KCNH7: variants seen among roughly 807,000 people sequenced by gnomAD.
KCNH7 encodes voltage-gated inwardly rectifying potassium channel KCNH7.
Under a neutral mutation model 120.8 loss-of-function variants are expected in KCNH7, and 49 were observed. That is an observed-to-expected ratio of 0.41 (90% CI 0.32 to 0.51). The LOEUF (loss-of-function observed/expected upper bound fraction) is 0.51, where lower values mean the gene tolerates loss of function less well. Ranked by LOEUF, KCNH7 falls within the 20% of genes least tolerant of loss-of-function variation. KCNH7 has a pLI of 0.38. For synonymous variants in KCNH7, 547 were observed against 516.1 expected, an observed-to-expected ratio of 1.06 and a Z score of -0.81; for missense variants, 1,097 against 1,446.6, an observed-to-expected ratio of 0.76 and a Z score of 3.92.
intron 2 of KCNH7, among the ~76,000 whole-genome samples, chr2:162,829,188 C>T (rs1685388857): frequency 6.6e-6 from 1 of 152,080 alleles, no homozygotes; most frequent in African/African-American, 2.4e-5. Context: ...TAATTAGTGC[C>T]TTATAGCTAC....
At chr2:162,758,204 G>A (rs1688851841) in intron 2 of KCNH7, among the ~76,000 whole-genome samples, 1 of 152,116 alleles carries the variant, frequency 6.6e-6, no homozygotes, top group South Asian at 2.1e-4. Context: ...CCTAGACCTT[G>A]AACTGAGAGG....
chr2:162,518,532 T>A (rs1170721544), intron 3 of KCNH7, among the ~76,000 whole-genome samples: 1 of 151,782 alleles, frequency 6.6e-6, no homozygotes, highest in Non-Finnish European at 1.5e-5. Flanking sequence ...GCATCATAAG[T>A]CCAGGGATAG....
chr2:162,415,141 CT>C (rs200522232), intron 9 of KCNH7, among the ~76,000 whole-genome samples: 1 of 151,192 alleles, frequency 6.6e-6, no homozygotes, highest in Non-Finnish European at 1.5e-5. Context: ...CTGATTTGTC[CT>C]TTTTTTAAAA....
At chr2:162,493,362 G>A (rs1690390346) in intron 6 of KCNH7, among the ~76,000 whole-genome samples, 1 of 151,996 alleles carries the variant, frequency 6.6e-6, no homozygotes, top group South Asian at 2.1e-4. Context: ...ATTTTTTGAA[G>A]GAAAAATAAA....
At chr2:162,689,340 T>C (rs1290611188) in intron 2 of KCNH7, among the ~76,000 whole-genome samples, 1 of 151,928 alleles carries the variant, frequency 6.6e-6, no homozygotes, top group East Asian at 2.0e-4. Flanking sequence ...TTAGTAGAGA[T>C]GGGGTTTCAC....
At chr2:162,764,409 T>G (rs1404017220) in intron 2 of KCNH7, among the ~76,000 whole-genome samples, 2 of 152,164 alleles carry the variant, frequency 1.3e-5, no homozygotes, top group East Asian at 3.8e-4. Context: ...TTCATAATAT[T>G]TTATAGACAG....
At position 162,550,885 on chromosome 2, in the gene KCNH7, A is replaced by AGAT. The variant is rs1313433931; in HGVS notation, c.308-13808_308-13806dup. ...AAAGCAAAAATAACAAAACTAGGCT[A>AGAT]GATAATAATAATAATAATAATAATA... On this transcript the variant is annotated intron_variant, in intron 2 of 15. Coordinates refer to ENST00000332142, the MANE Select transcript of KCNH7 (RefSeq NM_033272.4). Among the ~76,000 whole-genome samples, 6 of 125,656 alleles carry AGAT rather than the reference A, an allele frequency of 4.8e-5. 1 individual carries two copies. The highest frequency in any genetic ancestry group is 8.1e-5 in the Non-Finnish European group (5 of 61,428). 82.4% of individuals were successfully genotyped at this position (125,656 alleles called of 152,430 possible). A position where few individuals can be genotyped will look rare whatever the true frequency, so the allele number is the denominator to read the frequency against.
intron 2 of KCNH7, among the ~76,000 whole-genome samples, chr2:162,705,688 C>G (rs542307944): frequency 6.6e-6 from 1 of 152,020 alleles, no homozygotes; most frequent in Non-Finnish European, 1.5e-5. Context: ...ACTGGCAAGA[C>G]CCAACTCAAG....
At chr2:162,579,787 G>A (rs935001574) in intron 2 of KCNH7, among the ~76,000 whole-genome samples, 2 of 151,938 alleles carry the variant, frequency 1.3e-5, no homozygotes, top group Non-Finnish European at 2.9e-5. Context: ...GCACAGAGTA[G>A]ATAGAGTAAT....
chr2:162,719,860 C>A (rs761879400), intron 2 of KCNH7, among the ~76,000 whole-genome samples: 37 of 151,986 alleles, frequency 2.4e-4, no homozygotes, highest in African/African-American at 7.2e-5. Flanking sequence ...TGTTAAGAGT[C>A]TTTGTTTAAA....
At chr2:162,757,538 G>C (rs1411457776) in intron 2 of KCNH7, among the ~76,000 whole-genome samples, 1 of 152,028 alleles carries the variant, frequency 6.6e-6, no homozygotes, top group African/African-American at 2.4e-5. Flanking sequence ...ATTTCTCCCT[G>C]TAATCCCCAC....
At chr2:162,500,225 A>C in intron 6 of KCNH7, among the ~76,000 whole-genome samples, 1 of 147,946 alleles carries the variant, frequency 6.8e-6, no homozygotes, top group African/African-American at 2.5e-5. Context: ...TATAATATAT[A>C]ATATGTATGT....
chr2:162,800,639 G>A lies in KCNH7; in HGVS notation c.307+35898C>T, dbSNP rs750767510. 7.1e-4 allele frequency among the ~76,000 whole-genome samples: 107 copies of A among 151,760 alleles called. 1 individual carries two copies. Among genetic ancestry groups the A allele is most frequent in the Non-Finnish European group, 1.3e-3 (87 of 67,826 alleles). ...GCATGATTACTAAGTTTTTAAAAAG[G>A]CATTATTCAGGCATGTGTACAAGAA... On this transcript the variant is annotated intron_variant, in intron 2 of 15. Coordinates refer to ENST00000332142, the MANE Select transcript of KCNH7 (RefSeq NM_033272.4).
chr2:162,436,165 G>T lies in KCNH7; in HGVS notation c.1555-568C>A, dbSNP rs77132408. On this transcript the variant is annotated intron_variant, in intron 7 of 15. Transcript: ENST00000332142. The stretch of plus-strand genomic sequence containing the variant: ...CAGAGGGTATTTGGAGGCATGGATT[G>T]GGGTAGAAACTGCTTTAAAAATGAA... Among the ~76,000 whole-genome samples, 563 of 152,168 alleles carry T rather than the reference G, an allele frequency of 3.7e-3. 5 individuals are homozygous for T. Among genetic ancestry groups the T allele is most frequent in the African/African-American group, 0.013 (543 of 41,524 alleles).
rs200988876 is a variant in KCNH7, at chr2:162,577,382, T to C, written c.308-40302A>G. ...CTATCTATCTATCTATCTATCTATC[T>C]ATCTATCTATCTATCCATCTATCTA... On this transcript the variant is annotated intron_variant, in intron 2 of 15. Transcript: ENST00000332142. 1.7e-4 allele frequency among the ~76,000 whole-genome samples: 25 copies of C among 149,908 alleles called. No homozygotes were observed. The East Asian group carries it at 3.2e-3, about 19-fold the overall frequency.
At chr2:162,463,471 G>C (rs370200787) in intron 6 of KCNH7, among the ~76,000 whole-genome samples, 1 of 151,240 alleles carries the variant, frequency 6.6e-6, no homozygotes, top group Non-Finnish European at 1.5e-5. Context: ...TGTAGAGTTG[G>C]TTACTAGATT....
intron 2 of KCNH7, among the ~76,000 whole-genome samples, chr2:162,584,156 T>C (rs1419345928): frequency 6.6e-6 from 1 of 152,136 alleles, no homozygotes; most frequent in Non-Finnish European, 1.5e-5. Context: ...AAACTACTTA[T>C]TGCATTTAGA....
chr2:162,819,897 C>T (rs6715708), intron 2 of KCNH7, among the ~76,000 whole-genome samples: 32,685 of 151,866 alleles, frequency 0.22, 3,741 homozygotes, highest in East Asian at 0.32. Context: ...GTTTTTGTAT[C>T]ATCTTAGTTC....
At chr2:162,659,815 T>G (rs1348422551) in intron 2 of KCNH7, among the ~76,000 whole-genome samples, 2 of 152,228 alleles carry the variant, frequency 1.3e-5, no homozygotes, top group African/African-American at 4.8e-5. Context: ...TATTAGAAGG[T>G]ATCCCTGCTA....
Sources: allele counts gnomAD v4.1 joint callset (sites outside exome capture counted in the v4.1 genomes callset), GRCh38; gene constraint gnomAD v4.1.1; transcripts MANE v1.5; gene names NCBI Gene and HGNC (gene_info 2026-07-23, HGNC 2026-07-21).